Variants in ESYT3 observed in about 807,000 individuals in gnomAD.
The protein encoded by ESYT3 is extended synaptotagmin 3.
ESYT3 carries 101 observed loss-of-function variants against 111.5 expected under a neutral mutation model. The observed-to-expected ratio is 0.91, with a 90% confidence interval of 0.77 to 1.07. ESYT3 has a LOEUF of 1.07. ESYT3 is among the 50% of genes least tolerant of loss of function. The pLI is 0.00. For synonymous variants in ESYT3, 416 were observed against 446.8 expected (o/e 0.93, Z 0.87); for missense variants, 1,097 against 1,109.4 (o/e 0.99, Z 0.16).
intron 10 of ESYT3, among the ~76,000 whole-genome samples, chr3:138,467,125 TGAA>T (rs1351842317): frequency 6.6e-6 from 1 of 152,150 alleles, no homozygotes; most frequent in East Asian, 1.9e-4. Flanking sequence ...GATTTGGAAA[TGAA>T]GGGGCATTTG....
intron 1 of ESYT3, among the ~76,000 whole-genome samples, chr3:138,439,309 G>A (rs1217663934): frequency 1.3e-5 from 2 of 152,136 alleles, no homozygotes; most frequent in African/African-American, 4.8e-5. Context: ...CTGGATGACT[G>A]TCAAGGGGTG....
rs913358078 is a variant in ESYT3, at chr3:138,477,471, G to T, written c.*617G>T. 3 of 152,482 alleles carry T rather than the reference G, an allele frequency of 2.0e-5. No homozygotes were observed. The highest frequency in any genetic ancestry group is 2.9e-5 in the Non-Finnish European group (2 of 68,282). The allele number at this position is 152,482 out of a possible 1,614,324, so 9.4% of individuals were successfully genotyped here. ...AATGTATTTCCCTACTGGCAAAAATGTTATACTGATATACTTAAATACCTT... is the reference window on the plus strand; with the variant it reads ...AATGTATTTCCCTACTGGCAAAAATTTTATACTGATATACTTAAATACCTT... On this transcript the variant is annotated 3_prime_UTR_variant, in exon 23 of 23. Coordinates refer to ENST00000389567, the MANE Select transcript of ESYT3 (RefSeq NM_031913.5).
At chr3:138,474,390 A>C in intron 20 of ESYT3, 38 bp downstream of exon 20, 1 of 1,540,474 alleles carries the variant, frequency 6.5e-7, no homozygotes, top group Non-Finnish European at 8.7e-7. Flanking sequence ...TGCCTCACCC[A>C]TTCAAGTATT....
rs1057033195 is a variant in ESYT3 at position 138,479,637 on chromosome 3, C to T, written c.*2783C>T. The T allele has an allele frequency of 1.3e-5, 2 of 150,248 alleles. No homozygotes were observed. The highest frequency in any genetic ancestry group is 4.9e-5 in the African/African-American group (2 of 40,786). The allele number at this position is 150,248 out of a possible 1,614,324, so 9.3% of individuals were successfully genotyped here. On this transcript the variant is annotated 3_prime_UTR_variant, in exon 23 of 23. Coordinates refer to ENST00000389567, the MANE Select transcript of ESYT3 (RefSeq NM_031913.5). The stretch of plus-strand genomic sequence containing the variant: ...TACAGAGCTGTTCTCAATCAATCAC[C>T]TAAGTACCCCCACAGTTTACCCTTG...
intron 1 of ESYT3, among the ~76,000 whole-genome samples, chr3:138,441,827 C>CT (rs11449694): frequency 0.81 from 121,132 of 149,412 alleles, 49,200 homozygotes; most frequent in East Asian, 0.98. Flanking sequence ...GACAAAGCAC[C>CT]TTTTTTTTTT....
intron 8 of ESYT3, among the ~76,000 whole-genome samples, chr3:138,463,428 G>A (rs2032757329): frequency 6.6e-6 from 1 of 152,190 alleles, no homozygotes; most frequent in Non-Finnish European, 1.5e-5. Flanking sequence ...ATGTCATGAG[G>A]ATCATGCTAT....
intron 11 of ESYT3, 67 bp from the exon 12 acceptor site, chr3:138,468,038 C>A: frequency 6.8e-7 from 1 of 1,462,808 alleles, no homozygotes; most frequent in Non-Finnish European, 9.6e-7. Context: ...CAGGACTGGG[C>A]TGCCCAGAGA....
intron 9 of ESYT3, 51 bp downstream of exon 9, chr3:138,464,566 A>T (rs1280886347): frequency 1.2e-6 from 2 of 1,600,238 alleles, no homozygotes; most frequent in Non-Finnish European, 1.7e-6. Flanking sequence ...CATGCTGGGC[A>T]GAGGCAATCC....
intron 19 of ESYT3, 115 bp from the exon 20 acceptor site, chr3:138,474,106 T>G: frequency 2.2e-6 from 3 of 1,377,500 alleles, no homozygotes; most frequent in Admixed American, 2.2e-5. Flanking sequence ...TAATATAGCC[T>G]TCTCTCAAAT....
In ESYT3 at chr3:138,470,924, C is replaced by G. The variant is rs181864431; in HGVS notation, c.1638C>G (p.Pro546=). 1.2e-6 allele frequency: 2 copies of G among 1,614,028 alleles called. No individual in the cohort carries two copies. The highest frequency in any genetic ancestry group is 2.2e-5 in the East Asian group (1 of 44,896). ...GTGCTCTGGGAATGCTGGAGGTCCC[C>G]CTGTGCCAGATCCTCCCCTATGCTG... The part of the protein sequence containing the change: ...QECALGMLEV[P]LCQILPYADL... The change falls in exon 17 of 23, where the codon CCC becomes CCG. Residue 546 remains proline (P), a synonymous_variant. Transcript: ENST00000389567.
intron 19 of ESYT3, 63 bp from the exon 20 acceptor site, chr3:138,474,158 T>A: frequency 6.4e-7 from 1 of 1,570,222 alleles, no homozygotes; most frequent in Admixed American, 2.0e-5. Flanking sequence ...AACTCTCAAA[T>A]GTTCAGTGTT....
In ESYT3 at chr3:138,476,231, T is replaced by A. The variant is rs761800529; in HGVS notation, c.2477T>A (p.Phe826Tyr). The A allele has an allele frequency of 1.5e-5, 24 of 1,609,694 alleles. 1 individual carries two copies. The South Asian group carries it at 2.6e-4, about 18-fold the overall frequency. ...LEPLFDETFEFFVPMEEVKKR... is the reference protein window; with the variant it reads ...LEPLFDETFEYFVPMEEVKKR... Reference sequence around the variant, plus strand: ...CTTTTTGCTTCCTAAAGATTTGAATTTTTTGTTCCCATGGAAGAAGTAAAG... The same window carrying A: ...CTTTTTGCTTCCTAAAGATTTGAATATTTTGTTCCCATGGAAGAAGTAAAG... Residue 826 changes from phenylalanine to tyrosine, a missense_variant, in exon 21 of 23, where the codon TTT becomes TAT. Phe to Tyr is a conservative substitution (Grantham distance 22). Transcript: ENST00000389567.
chr3:138,463,920 C>G (rs2032784538), intron 8 of ESYT3, among the ~76,000 whole-genome samples: 1 of 152,188 alleles, frequency 6.6e-6, no homozygotes, highest in African/African-American at 2.4e-5. Flanking sequence ...TACCTACTGT[C>G]AGCAGCTGGC....
chr3:138,476,376 G>A (rs759858997), intron 21 of ESYT3, 48 bp downstream of exon 21: 19 of 1,596,706 alleles, frequency 1.2e-5, no homozygotes, highest in South Asian at 5.5e-5. Context: ...TGATCAATTC[G>A]CCTTATCCCA....
chr3:138,473,881 C>G (rs926246922), intron 19 of ESYT3, among the ~76,000 whole-genome samples: 1 of 152,224 alleles, frequency 6.6e-6, no homozygotes, highest in Admixed American at 6.5e-5. Flanking sequence ...CACTGCAAGA[C>G]TGTCTGGAGT....
chr3:138,467,442 A>G, intron 10 of ESYT3, 119 bp from the exon 11 acceptor site: 1 of 997,436 alleles, frequency 1.0e-6, no homozygotes, highest in Non-Finnish European at 1.6e-6. Flanking sequence ...TTGGGGTAAG[A>G]TCCTCTGTCT....
In ESYT3 at chr3:138,457,581, A is replaced by C; in HGVS notation, c.518A>C (p.Asn173Thr). 3.7e-6 allele frequency: 6 copies of C among 1,614,172 alleles called. No individual in the cohort carries two copies. Among genetic ancestry groups the C allele is most frequent in the Non-Finnish European group, 5.1e-6 (6 of 1,180,036 alleles). Reference sequence around the variant, plus strand: ...CATTTCTTCCAGTGTCCCAGGGTCAACGGTGTCAAGGCACACACTAATACG... The same window carrying C: ...CATTTCTTCCAGTGTCCCAGGGTCACCGGTGTCAAGGCACACACTAATACG... ...LYFGQKCPRV[N>T]GVKAHTNTCN... Residue 173 changes from asparagine to threonine, a missense_variant, in exon 4 of 23, where the codon AAC becomes ACC. By Grantham distance (65) the Asn-to-Thr change is moderately conservative. Coordinates refer to ENST00000389567, the MANE Select transcript of ESYT3 (RefSeq NM_031913.5).
rs112927188 is a variant in ESYT3, at chr3:138,471,372, C to A, written c.1740+346C>A. ...ATTCTCTCAAGAGCTATCTTCCAGG[C>A]CACTAATTCTTTGGCTATGCCTAGT... On this transcript the variant is annotated intron_variant, in intron 17 of 22. Coordinates refer to ENST00000389567, the MANE Select transcript of ESYT3 (RefSeq NM_031913.5). 6.3e-3 allele frequency among the ~76,000 whole-genome samples: 963 copies of A among 152,248 alleles called. 14 individuals are homozygous for A. Among genetic ancestry groups the A allele is most frequent in the African/African-American group, 0.022 (914 of 41,532 alleles).
chr3:138,480,280 TAA>T (rs1470361402), downstream of ESYT3: 1 of 152,164 alleles, frequency 6.6e-6, no homozygotes, highest in African/African-American at 2.4e-5. Context: ...ATGTTGAAAG[TAA>T]AAAGATTAAA....
Sources: gnomAD v4.1 joint callset for allele counts (sites outside exome capture counted in the v4.1 genomes callset) on GRCh38, gnomAD v4.1.1 for gene constraint, MANE v1.5 for transcripts, NCBI Gene and HGNC (gene_info 2026-07-23, HGNC 2026-07-21) for gene names.